PCDHGA2: variants seen among roughly 807,000 people sequenced by gnomAD.
The protein encoded by PCDHGA2 is protocadherin gamma-A2.
A neutral mutation model predicts 59.2 loss-of-function variants in PCDHGA2; 40 were observed. That is an observed-to-expected ratio of 0.68 (90% confidence interval 0.52 to 0.88). The LOEUF (loss-of-function observed/expected upper bound fraction) is 0.88. Ranked by LOEUF, PCDHGA2 falls within the 40% of genes least tolerant of loss-of-function variation. The probability of loss-of-function intolerance (pLI) is 0.00; values close to 1 mark genes in which losing one functional copy is unlikely to be tolerated. For synonymous variants in PCDHGA2, 560 were observed against 526.0 expected (o/e 1.06, Z -0.89); for missense variants, 1,226 against 1,204.0 (o/e 1.02, Z -0.27).
intron 1 of PCDHGA2, chr5:141,375,949 C>A: frequency 6.2e-7 from 1 of 1,613,568 alleles, no homozygotes; most frequent in Non-Finnish European, 8.5e-7. Flanking sequence ...TGGGCCTGCA[C>A]ACGGGCGAGG....
chr5:141,490,890 G>C lies in PCDHGA2; in HGVS notation c.2425-3917G>C, dbSNP rs751713801. The C allele has an allele frequency of 9.9e-6, 16 of 1,613,306 alleles. No homozygotes were observed. The South Asian group carries it at 1.2e-4, about 12-fold the overall frequency. On this transcript the variant is annotated intron_variant, in intron 1 of 3. Transcript: ENST00000394576. This position sits in a 1 kb window ranked among gnomAD's most constrained non-coding sequence, Gnocchi z 5.4. ...CCCCATTGCATGCCAACACATCTCT[G>C]CATGTGTTTGTCCTAGACGAGAATG...
At chr5:141,510,754 C>G (rs1407911674) in intron 3 of PCDHGA2, among the ~76,000 whole-genome samples, 193 bp from the exon 4 acceptor site, 3 of 152,168 alleles carry the variant, frequency 2.0e-5, no homozygotes, top group African/African-American at 7.2e-5. Flanking sequence ...GACTTTCTCA[C>G]TCCAGAGCCT....
At position 141,431,365 on chromosome 5, in the gene PCDHGA2, C is replaced by T. The variant is rs2097365932; in HGVS notation, c.2425-63442C>T. ...TGGTGCTGAAACGCGCCCTGGACCG[C>T]GAAGAAAAGGCTGCTCACCACCTGG... On this transcript the variant is annotated intron_variant, in intron 1 of 3. Coordinates refer to ENST00000394576, the MANE Select transcript of PCDHGA2 (RefSeq NM_018915.4). The surrounding 1 kb of genome is among the most constrained non-coding windows in gnomAD (Gnocchi z 4.8). 6 of 1,613,980 alleles carry T rather than the reference C, an allele frequency of 3.7e-6. No homozygotes were observed. Among genetic ancestry groups the T allele is most frequent in the Non-Finnish European group, 5.1e-6 (6 of 1,180,028 alleles).
chr5:141,392,268 A>G (rs2150475407), intron 1 of PCDHGA2: 1 of 152,374 alleles, frequency 6.6e-6, no homozygotes, highest in South Asian at 2.1e-4. Context: ...GACATTTACA[A>G]TAAAGCTTAG....
intron 1 of PCDHGA2, chr5:141,405,262 C>T (rs1352663124): frequency 1.9e-6 from 3 of 1,614,012 alleles, no homozygotes; most frequent in Non-Finnish European, 2.5e-6. Context: ...ACCTGATCTT[C>T]CCCCAGCCCA....
chr5:141,428,117 G>A lies in PCDHGA2; in HGVS notation c.2425-66690G>A, dbSNP rs980705077. 5 of 1,606,984 alleles carry A rather than the reference G, an allele frequency of 3.1e-6. No individual in the cohort carries two copies. The African/African-American group carries it at 6.7e-5, about 21-fold the overall frequency. Reference sequence around the variant, plus strand: ...CCTACCACGTGCTGCAGGCCATCGAGCCCGGGCTTTTCAGCCTGGGGCTGC... The same window carrying A: ...CCTACCACGTGCTGCAGGCCATCGAACCCGGGCTTTTCAGCCTGGGGCTGC... On this transcript the variant is annotated intron_variant, in intron 1 of 3. Coordinates refer to ENST00000394576, the MANE Select transcript of PCDHGA2 (RefSeq NM_018915.4).
At chr5:141,497,776 C>A (rs1384125562) in intron 2 of PCDHGA2, among the ~76,000 whole-genome samples, 2 of 152,170 alleles carry the variant, frequency 1.3e-5, no homozygotes. Flanking sequence ...CCGACCTCAA[C>A]TGATCCACCT....
chr5:141,414,498 C>CT (rs748856262), intron 1 of PCDHGA2: 40 of 1,613,848 alleles, frequency 2.5e-5, no homozygotes, highest in Non-Finnish European at 3.3e-5. Context: ...CGGAAGCTCA[C>CT]TTTATGCTAC....
intron 1 of PCDHGA2, chr5:141,418,417 T>C: frequency 6.2e-7 from 1 of 1,614,002 alleles, no homozygotes; most frequent in Non-Finnish European, 8.5e-7. Flanking sequence ...AAGACAATCC[T>C]GATGGTGGCA....
chr5:141,435,642 T>C lies in PCDHGA2; in HGVS notation c.2425-59165T>C, dbSNP rs1326178929. On this transcript the variant is annotated intron_variant, in intron 1 of 3. Coordinates refer to ENST00000394576, the MANE Select transcript of PCDHGA2 (RefSeq NM_018915.4). ...CATAACTTTTACAACTATGGGAAAA[T>C]TTCTGAAACGTGCACAGATTCCAAG... Among the ~76,000 whole-genome samples the C allele has an allele frequency of 2.0e-5, 3 of 152,156 alleles. No individual in the cohort carries two copies. The East Asian group carries it at 5.8e-4, about 29-fold the overall frequency.
intron 1 of PCDHGA2, chr5:141,471,361 C>T (rs1206745378): frequency 6.6e-6 from 1 of 151,976 alleles, no homozygotes; most frequent in Non-Finnish European, 1.5e-5. Context: ...TCCAAGCCCC[C>T]TATTTTTATT....
intron 1 of PCDHGA2, chr5:141,343,311 CTGTG>C: frequency 1.0e-6 from 1 of 975,244 alleles, no homozygotes; most frequent in Non-Finnish European, 1.2e-6. Context: ...TGGCTGATTT[CTGTG>C]TGTTTCTTTT....
chr5:141,409,303 C>G, intron 1 of PCDHGA2: 3 of 1,613,922 alleles, frequency 1.9e-6, no homozygotes, highest in South Asian at 2.2e-5. Flanking sequence ...TGGTTGTTGC[C>G]CTCTTCAAAA....
rs1203060261 is a variant in PCDHGA2, at chr5:141,493,037, AG to A, written c.2425-1768del. 3.3e-5 allele frequency among the ~76,000 whole-genome samples: 5 copies of A among 152,252 alleles called. No individual in the cohort carries two copies. The highest frequency in any genetic ancestry group is 2.6e-4 in the Admixed American group (4 of 15,290). ...AGATGCCAGGGTGCCCTTATGTGTG[AG>A]GAAACTACAATAGTAAAAAACACAA... is the stretch of plus-strand genomic sequence containing the variant. On this transcript the variant is annotated intron_variant, in intron 1 of 3. Transcript: ENST00000394576. This position sits in a 1 kb window ranked among gnomAD's most constrained non-coding sequence, Gnocchi z 4.3.
chr5:141,502,003 G>A (rs945565369), intron 2 of PCDHGA2, among the ~76,000 whole-genome samples: 17 of 151,966 alleles, frequency 1.1e-4, no homozygotes, highest in Admixed American at 1.1e-3. Flanking sequence ...CTGACAACCC[G>A]CATGCTCTCC....
Position 141,477,741 on chromosome 5 carries a change from G to A in PCDHGA2, c.2425-17066G>A, listed in dbSNP as rs1438249932. On this transcript the variant is annotated intron_variant, in intron 1 of 3. Transcript: ENST00000394576. The surrounding 1 kb of genome is among the most constrained non-coding windows in gnomAD (Gnocchi z 4.9). ...GAATTAACAGCTCATATCAGCGATG[G>A]GGGCACCCCGGTCCTAGCCACCAAC... is the stretch of plus-strand genomic sequence containing the variant. 4 of 1,613,802 alleles carry A rather than the reference G, an allele frequency of 2.5e-6. No individual in the cohort carries two copies. The highest frequency in any genetic ancestry group is 1.7e-5 in the Admixed American group (1 of 60,026).
chr5:141,408,344 G>A, intron 1 of PCDHGA2: 1 of 1,613,958 alleles, frequency 6.2e-7, no homozygotes, highest in East Asian at 2.2e-5. Flanking sequence ...CTCGGTGGTG[G>A]GGAACCTCGC....
At chr5:141,406,989 T>C (rs1402069577) in intron 1 of PCDHGA2, among the ~76,000 whole-genome samples, 2 of 152,236 alleles carry the variant, frequency 1.3e-5, no homozygotes, top group Non-Finnish European at 2.9e-5. Context: ...TCACAAGACA[T>C]TTGAAAATAA....
At chr5:141,480,745 C>T (rs528415324) in intron 1 of PCDHGA2, among the ~76,000 whole-genome samples, 1 of 152,278 alleles carries the variant, frequency 6.6e-6, no homozygotes, top group Non-Finnish European at 1.5e-5. Flanking sequence ...ACATAGGCAT[C>T]ATTTTTTGAA....
Sources: allele counts gnomAD v4.1 joint callset (sites outside exome capture counted in the v4.1 genomes callset), GRCh38; gene constraint gnomAD v4.1.1; non-coding constraint Gnocchi (gnomAD v3.1); transcripts MANE v1.5; gene names NCBI Gene and HGNC (gene_info 2026-07-23, HGNC 2026-07-21).